Variants in EML5 observed in about 807,000 individuals in gnomAD.
EML5 encodes EMAP like 5.
Under a neutral mutation model 250.0 loss-of-function variants are expected in EML5, and 120 were observed. That is an observed-to-expected ratio of 0.48 (90% CI 0.41 to 0.56). The LOEUF (loss-of-function observed/expected upper bound fraction) is 0.56, where lower values mean the gene tolerates loss of function less well. EML5 is among the 20% of genes least tolerant of loss of function. The pLI, the probability that EML5 is intolerant of heterozygous loss-of-function variation, is 0.00. For missense variants in EML5, 2,006 were observed against 2,437.6 expected (o/e 0.82, Z 3.73); for synonymous variants, 771 against 806.5 (o/e 0.96, Z 0.75).
In EML5 at chr14:88,687,243, T is replaced by C. The variant is rs2092853804; in HGVS notation, c.2827A>G (p.Arg943Gly). The change falls in exon 19 of 44, where the codon AGA becomes GGA. Residue 943 changes from arginine (R) to glycine (G), a missense_variant. Transcript: ENST00000554922. ...ERCLKTYAIK[R>G]AALAPGSKGL... The stretch of plus-strand genomic sequence containing the variant: ...TTAGATCCTGGGGCCAATGCAGCTC[T>C]TTTTATAGCATAGGTCTTGAGACAT... The C allele has an allele frequency of 6.2e-7, 1 of 1,610,974 alleles. No individual in the cohort carries two copies.
At position 88,688,354 on chromosome 14, in the gene EML5, C is replaced by T. The variant is rs752675528; in HGVS notation, c.2659G>A (p.Val887Met). The T allele has an allele frequency of 1.2e-6, 2 of 1,614,018 alleles. No individual in the cohort carries two copies. Among genetic ancestry groups the T allele is most frequent in the South Asian group, 1.1e-5 (1 of 91,080 alleles). ...MAFSGTSTGDVCIWRDIFLVK... is the reference protein window; with the variant it reads ...MAFSGTSTGDMCIWRDIFLVK... ...AGAAAGATGTCTCTCCAGATACACACATCTCCTGTGGATGTTCCAGAAAAA... is the reference window on the plus strand; with the variant it reads ...AGAAAGATGTCTCTCCAGATACACATATCTCCTGTGGATGTTCCAGAAAAA... Residue 887 changes from valine (V) to methionine (M), a missense_variant, in exon 18 of 44, where the codon GTG becomes ATG. By Grantham distance (21) the Val-to-Met change is conservative. Coordinates refer to ENST00000554922, the MANE Select transcript of EML5 (RefSeq NM_183387.3).
chr14:88,775,992 C>A (rs1453829950), intron 1 of EML5, among the ~76,000 whole-genome samples: 6 of 152,084 alleles, frequency 3.9e-5, no homozygotes, highest in African/African-American at 9.7e-5. Flanking sequence ...CCAGAGAATT[C>A]TCCGGGATCT....
At chr14:88,640,613 A>G (rs115066715) in intron 31 of EML5, among the ~76,000 whole-genome samples, 1,605 of 152,308 alleles carry the variant, frequency 0.011, 28 homozygotes, top group African/African-American at 0.037. Context: ...TGTTAGAAAG[A>G]TCCCAAATTA....
At chr14:88,630,935 A>G (rs900753887) in intron 33 of EML5, among the ~76,000 whole-genome samples, 20 of 152,206 alleles carry the variant, frequency 1.3e-4, no homozygotes, top group Non-Finnish European at 1.8e-4. Flanking sequence ...CTCCTGAAGT[A>G]GCACACTCCG....
At chr14:88,736,966 T>C (rs2093850109) in intron 6 of EML5, among the ~76,000 whole-genome samples, 2 of 151,998 alleles carry the variant, frequency 1.3e-5, no homozygotes. Context: ...TGCCCACCTT[T>C]GGGTGGGGGG....
intron 37 of EML5, chr14:88,621,575 T>C (rs2088952629): frequency 4.3e-6 from 2 of 463,298 alleles, no homozygotes; most frequent in Admixed American, 7.3e-5. Context: ...AATCAAAGTT[T>C]TTATTTGATA....
intron 40 of EML5, 134 bp from the exon 41 acceptor site, chr14:88,618,465 CA>C (rs1182306541): frequency 1.8e-6 from 2 of 1,097,520 alleles, no homozygotes; most frequent in Non-Finnish European, 1.3e-6. Flanking sequence ...AAGATCACTA[CA>C]AAAACTTAAT....
In EML5 at chr14:88,626,820, G is replaced by A. The variant is rs1345016563; in HGVS notation, c.4740+18C>T. ...TAAAGTAGTCAAAGTCACACTATGT[G>A]CATTTTAAGAGACATACTGCACCAA... is the stretch of plus-strand genomic sequence containing the variant. On this transcript the variant is annotated intron_variant, in intron 35 of 43. Transcript: ENST00000554922. 3.7e-6 allele frequency: 6 copies of A among 1,612,580 alleles called. No homozygotes were observed. The highest frequency in any genetic ancestry group is 5.1e-6 in the Non-Finnish European group (6 of 1,179,184).
intron 19 of EML5, among the ~76,000 whole-genome samples, chr14:88,685,914 G>A (rs566427261): frequency 1.3e-5 from 2 of 151,952 alleles, no homozygotes; most frequent in East Asian, 3.9e-4. Flanking sequence ...TTGAATCTGA[G>A]GATATGGAAC....
At chr14:88,622,958 G>A (rs754535400) in intron 36 of EML5, 2 of 356,916 alleles carry the variant, frequency 5.6e-6, no homozygotes, top group Non-Finnish European at 1.0e-5. Flanking sequence ...TTTCTGACAT[G>A]AGCATAATTT....
intron 11 of EML5, chr14:88,705,828 C>T (rs760317575): frequency 1.1e-4 from 72 of 629,400 alleles, no homozygotes; most frequent in Non-Finnish European, 7.4e-5. Flanking sequence ...CCCCAATGAC[C>T]GCTACATCAA....
chr14:88,753,694 T>C (rs948021684), intron 2 of EML5, among the ~76,000 whole-genome samples: 7 of 152,186 alleles, frequency 4.6e-5, no homozygotes, highest in Non-Finnish European at 7.4e-5. Context: ...TAGAAGTAGA[T>C]GATAATTTAG....
intron 6 of EML5, 129 bp from the exon 7 acceptor site, chr14:88,736,694 A>G (rs1212219519): frequency 3.7e-6 from 3 of 810,072 alleles, no homozygotes; most frequent in Non-Finnish European, 5.8e-6. Context: ...GACAGTTTAA[A>G]GCCTGAAAGC....
chr14:88,775,269 A>G (rs1440244956), intron 1 of EML5, among the ~76,000 whole-genome samples: 1 of 152,084 alleles, frequency 6.6e-6, no homozygotes, highest in Non-Finnish European at 1.5e-5. Flanking sequence ...TACCTTAGGT[A>G]CCAGCATGGC....
At chr14:88,781,315 C>T (rs2094495437) in intron 1 of EML5, among the ~76,000 whole-genome samples, 2 of 152,192 alleles carry the variant, frequency 1.3e-5, no homozygotes, top group Admixed American at 6.5e-5. Flanking sequence ...AGAACTTTCA[C>T]AGTTCTTCAC....
intron 1 of EML5, among the ~76,000 whole-genome samples, chr14:88,785,223 G>C (rs1007357929): frequency 2.6e-5 from 4 of 152,132 alleles, no homozygotes; most frequent in Non-Finnish European, 5.9e-5. Flanking sequence ...AGTGGGGATG[G>C]TTAATGGGTA....
intron 27 of EML5, among the ~76,000 whole-genome samples, chr14:88,656,876 TCACA>T (rs2091891831): frequency 6.6e-6 from 1 of 152,192 alleles, no homozygotes; most frequent in Admixed American, 6.5e-5. Context: ...TCCAACCTCA[TCACA>T]CACATTTATA....
intron 1 of EML5, among the ~76,000 whole-genome samples, chr14:88,766,112 G>A (rs908908972): frequency 5.9e-5 from 9 of 151,942 alleles, no homozygotes; most frequent in Non-Finnish European, 1.2e-4. Context: ...TCTTAATCTC[G>A]TCATCTTCGT....
At chr14:88,694,160 C>T (rs1384836748) in intron 17 of EML5, 147 bp downstream of exon 17, 2 of 616,112 alleles carry the variant, frequency 3.2e-6, no homozygotes, top group East Asian at 2.9e-5. Flanking sequence ...GAACTCAAGA[C>T]TTCATTCAGA....
Sources: allele counts gnomAD v4.1 joint callset (sites outside exome capture counted in the v4.1 genomes callset), GRCh38; gene constraint gnomAD v4.1.1; transcripts MANE v1.5; gene names NCBI Gene and HGNC (gene_info 2026-07-23, HGNC 2026-07-21).